Variants in ARHGAP24 observed in about 807,000 individuals in gnomAD.
ARHGAP24 encodes rho GTPase-activating protein 24.
In ARHGAP24, 50 loss-of-function variants were observed where a neutral mutation model predicts 76.4. The ratio of observed to expected loss-of-function variants is 0.65; its 90% CI spans 0.52 to 0.83. ARHGAP24 has a LOEUF of 0.83. Among genes scored for constraint, ARHGAP24 ranks in the 40% least tolerant of loss-of-function variants. ARHGAP24 has a pLI of 0.00. For synonymous variants in ARHGAP24, 345 were observed against 323.3 expected (o/e 1.07, Z -0.72); for missense variants, 930 against 914.2 (o/e 1.02, Z -0.22).
chr4:85,551,255 C>T (rs10027024), intron 1 of ARHGAP24, among the ~76,000 whole-genome samples: 130,701 of 152,222 alleles, frequency 0.86, 59,011 homozygotes, highest in Non-Finnish European at 0.98. Context: ...TGAATTTTAT[C>T]AAAAGCCTTT....
intron 3 of ARHGAP24, among the ~76,000 whole-genome samples, chr4:85,885,920 A>C (rs1338060815): frequency 6.6e-6 from 1 of 152,170 alleles, no homozygotes; most frequent in East Asian, 1.9e-4. Context: ...TTCCTAGAAT[A>C]GGAATCCCGC....
At chr4:85,896,543 C>T (rs2148785817) in intron 3 of ARHGAP24, among the ~76,000 whole-genome samples, 1 of 152,270 alleles carries the variant, frequency 6.6e-6, no homozygotes, top group Middle Eastern at 3.4e-3. Context: ...ATGCTGGATT[C>T]TTCTTCTTGA....
intron 1 of ARHGAP24, among the ~76,000 whole-genome samples, chr4:85,499,743 A>T (rs917269655): frequency 6.6e-6 from 1 of 152,234 alleles, no homozygotes; most frequent in Non-Finnish European, 1.5e-5. Flanking sequence ...AGAAATCTCT[A>T]TAGAGACTCA....
At chr4:85,503,098 T>A (rs1377770125) in intron 1 of ARHGAP24, among the ~76,000 whole-genome samples, 2 of 152,246 alleles carry the variant, frequency 1.3e-5, no homozygotes, top group African/African-American at 4.8e-5. Context: ...AGCTTTTTGA[T>A]GTTCTGCTGG....
At chr4:85,901,785 C>G (rs1734506490) in intron 3 of ARHGAP24, among the ~76,000 whole-genome samples, 1 of 151,932 alleles carries the variant, frequency 6.6e-6, no homozygotes, top group Non-Finnish European at 1.5e-5. Flanking sequence ...ATGGTCTGGT[C>G]TGTTGGCAAT....
chr4:85,923,211 G>C (rs1373333570), intron 3 of ARHGAP24, among the ~76,000 whole-genome samples: 2 of 152,072 alleles, frequency 1.3e-5, no homozygotes, highest in Admixed American at 1.3e-4. Context: ...CGATGTCCTG[G>C]TGACCTCTGT....
intron 2 of ARHGAP24, among the ~76,000 whole-genome samples, chr4:85,714,583 G>A (rs1450843673): frequency 6.6e-6 from 1 of 151,992 alleles, no homozygotes; most frequent in Non-Finnish European, 1.5e-5. Context: ...TGTTTTCCTT[G>A]CTTTTGTGTT....
At chr4:85,611,559 T>C (rs1281213919) in intron 2 of ARHGAP24, among the ~76,000 whole-genome samples, 1 of 152,232 alleles carries the variant, frequency 6.6e-6, no homozygotes, top group East Asian at 1.9e-4. Context: ...AAGTTTGGAT[T>C]TATTAGTCAA....
intron 2 of ARHGAP24, among the ~76,000 whole-genome samples, chr4:85,643,234 G>GTGTGTGTTTTT (rs1721592505): frequency 5.5e-5 from 3 of 54,628 alleles, no homozygotes; most frequent in Admixed American, 3.6e-4. Flanking sequence ...GTTTTTTTGT[G>GTGTGTGTTTTT]TTTTTTTTTT....
chr4:85,762,002 A>C (rs1169400584), intron 3 of ARHGAP24, among the ~76,000 whole-genome samples: 1 of 152,148 alleles, frequency 6.6e-6, no homozygotes, highest in Non-Finnish European at 1.5e-5. Context: ...CAGCCTTTAT[A>C]TTGACTTTTT....
At chr4:85,912,584 C>A (rs1305066170) in intron 3 of ARHGAP24, among the ~76,000 whole-genome samples, 1 of 152,168 alleles carries the variant, frequency 6.6e-6, no homozygotes, top group Non-Finnish European at 1.5e-5. Context: ...AATATCACTT[C>A]TTTTGTGTAT....
chr4:85,495,354 T>G (rs1400100434), intron 1 of ARHGAP24, among the ~76,000 whole-genome samples: 2 of 127,586 alleles, frequency 1.6e-5, no homozygotes, highest in African/African-American at 5.9e-5. Flanking sequence ...TTTTTTTTTT[T>G]TTTTTTTTTT....
chr4:85,773,490 T>C (rs1281732657), intron 3 of ARHGAP24, among the ~76,000 whole-genome samples: 1 of 152,172 alleles, frequency 6.6e-6, no homozygotes, highest in Admixed American at 6.6e-5. Context: ...GGAATGTTAA[T>C]CCTCTCCTTC....
chr4:85,881,283 A>C (rs1211676606), intron 3 of ARHGAP24, among the ~76,000 whole-genome samples: 4 of 152,160 alleles, frequency 2.6e-5, no homozygotes, highest in African/African-American at 9.7e-5. Context: ...GGCAATTTAA[A>C]ACTGATGAAT....
At chr4:85,487,872 A>T (rs1385445405) in intron 1 of ARHGAP24, among the ~76,000 whole-genome samples, 2 of 124,168 alleles carry the variant, frequency 1.6e-5, no homozygotes, top group African/African-American at 6.3e-5. Flanking sequence ...TATTATATAA[A>T]TATATAATAT....
intron 3 of ARHGAP24, among the ~76,000 whole-genome samples, chr4:85,871,557 A>G (rs528194461): frequency 3.3e-5 from 5 of 152,298 alleles, no homozygotes; most frequent in Admixed American, 1.3e-4. Flanking sequence ...TGTATACCCA[A>G]TACAACTTCC....
intron 2 of ARHGAP24, among the ~76,000 whole-genome samples, chr4:85,626,243 G>T (rs1720949246): frequency 6.6e-6 from 1 of 152,158 alleles, no homozygotes; most frequent in Non-Finnish European, 1.5e-5. Context: ...GCTTCCTTCA[G>T]GAGCTCTTTT....
chr4:85,682,948 C>G (rs925769084), intron 2 of ARHGAP24, among the ~76,000 whole-genome samples: 7 of 151,948 alleles, frequency 4.6e-5, no homozygotes, highest in African/African-American at 1.7e-4. Flanking sequence ...TCTCCCATAC[C>G]AAAAATGATC....
intron 8 of ARHGAP24, among the ~76,000 whole-genome samples, chr4:85,983,423 C>T (rs1258879389): frequency 1.3e-5 from 2 of 152,174 alleles, no homozygotes; most frequent in Non-Finnish European, 2.9e-5. Context: ...TTCTCTGCAT[C>T]CTTGACAGCA....
Sources: allele counts gnomAD v4.1 joint callset (sites outside exome capture counted in the v4.1 genomes callset), GRCh38; gene constraint gnomAD v4.1.1; transcripts MANE v1.5; gene names NCBI Gene and HGNC (gene_info 2026-07-23, HGNC 2026-07-21).